The following IL1RAPL1 variants were observed in gnomAD, a reference collection of about 807,000 sequenced individuals.
The protein encoded by IL1RAPL1 is interleukin-1 receptor accessory protein-like 1.
In IL1RAPL1, 3 loss-of-function variants were observed where a neutral mutation model predicts 48.4. That is an observed-to-expected ratio of 0.06 (90% CI 0.03 to 0.16). The LOEUF is 0.16. Ranked by LOEUF, IL1RAPL1 falls within the 10% of genes least tolerant of loss-of-function variation. The pLI is 1.00. For synonymous variants in IL1RAPL1, 185 were observed against 187.7 expected, an observed-to-expected ratio of 0.99 and a Z score of 0.12; for missense variants, 349 against 530.6, an observed-to-expected ratio of 0.66 and a Z score of 3.36.
chrX:29,797,660 G>A (rs780701881), intron 6 of IL1RAPL1, among the ~76,000 whole-genome samples: 3 of 111,446 alleles, frequency 2.7e-5, no homozygotes, highest in South Asian at 3.8e-4. Flanking sequence ...ATCACTTGAG[G>A]TCAGGAGTTC....
chrX:28,732,392 G>A (rs752640164), intron 1 of IL1RAPL1, among the ~76,000 whole-genome samples: 8 of 111,841 alleles, frequency 7.2e-5, no homozygotes, highest in African/African-American at 2.6e-4. Flanking sequence ...TTCTGAAAGA[G>A]TTGGAATTTT....
At position 29,110,475 on chromosome X, in the gene IL1RAPL1, C is replaced by T. The variant is rs1928539973; in HGVS notation, c.83-172463C>T. Among the ~76,000 whole-genome samples, 4 of 111,541 alleles carry T rather than the reference C, an allele frequency of 3.6e-5. No individual in the cohort carries two copies. The South Asian group carries it at 1.5e-3, about 42-fold the overall frequency. ...TAAGCCGGTTTTTATGCAGCAGGTC[C>T]TCAGAGAGCATTGCACTAAAATGCT... is the stretch of plus-strand genomic sequence containing the variant. On this transcript the variant is annotated intron_variant, in intron 2 of 10. Transcript: ENST00000378993.
intron 1 of IL1RAPL1, among the ~76,000 whole-genome samples, chrX:28,683,690 C>G (rs112644563): frequency 8.9e-6 from 1 of 112,112 alleles, no homozygotes; most frequent in East Asian, 2.8e-4. Flanking sequence ...TAGGTCTCAC[C>G]GGGCTAAAAT....
intron 5 of IL1RAPL1, among the ~76,000 whole-genome samples, chrX:29,510,199 A>C (rs938253164): frequency 8.0e-5 from 9 of 112,539 alleles, no homozygotes; most frequent in African/African-American, 2.9e-4. Flanking sequence ...TTACTGATTG[A>C]ATTTGTGATA....
chrX:29,623,124 A>G (rs75137775), intron 5 of IL1RAPL1, among the ~76,000 whole-genome samples: 2 of 103,491 alleles, frequency 1.9e-5, no homozygotes, highest in African/African-American at 7.2e-5. Flanking sequence ...AAAAAAAAAA[A>G]TGCAAAAATT....
At chrX:28,938,444 G>A (rs1480757699) in intron 2 of IL1RAPL1, among the ~76,000 whole-genome samples, 2 of 93,274 alleles carry the variant, frequency 2.1e-5, no homozygotes, top group Admixed American at 1.2e-4. Flanking sequence ...TTCAATAAAC[G>A]GTGCTGAGAT....
intron 1 of IL1RAPL1, among the ~76,000 whole-genome samples, chrX:28,779,613 C>T (rs866662713): frequency 2.4e-3 from 164 of 68,917 alleles, no homozygotes; most frequent in African/African-American, 8.5e-3. Context: ...CAGAGTGATA[C>T]TATTATGTGT....
At chrX:29,017,377 C>A (rs1926265285) in intron 2 of IL1RAPL1, among the ~76,000 whole-genome samples, 1 of 112,151 alleles carries the variant, frequency 8.9e-6, no homozygotes, top group African/African-American at 3.2e-5. Flanking sequence ...CTTTAATCAT[C>A]TGAATATCAC....
intron 3 of IL1RAPL1, among the ~76,000 whole-genome samples, chrX:29,284,326 T>G (rs1243430336): frequency 8.9e-6 from 1 of 112,500 alleles, no homozygotes; most frequent in Non-Finnish European, 1.9e-5. Flanking sequence ...GCATAAAAGT[T>G]AAACAGAAAG....
At chrX:28,889,715 TC>T (rs1470583329) in intron 2 of IL1RAPL1, among the ~76,000 whole-genome samples, 1 of 111,373 alleles carries the variant, frequency 9.0e-6, no homozygotes, top group Non-Finnish European at 1.9e-5. Context: ...TCTCCTACCT[TC>T]CGTAATAGAT....
chrX:28,703,615 G>A (rs958338870), intron 1 of IL1RAPL1, among the ~76,000 whole-genome samples: 1 of 111,047 alleles, frequency 9.0e-6, no homozygotes, highest in African/African-American at 3.3e-5. Context: ...CCCAAAGTTG[G>A]TCACAGTCTA....
Position 29,336,304 on chromosome X carries a change from GGTGTGTGTGTGT to G in IL1RAPL1, c.362+53120_362+53131del, listed in dbSNP as rs375590826. ...TATATATATATATGCACCGTTTTGG[GGTGTGTGTGTGT>G]GTGTGTGTGTGTGTGTGTGTGTGTG... On this transcript the variant is annotated intron_variant, in intron 3 of 10. Transcript: ENST00000378993. Among the ~76,000 whole-genome samples, 270 of 70,841 alleles carry G rather than the reference GGTGTGTGTGTGT, an allele frequency of 3.8e-3. 1 individual carries two copies. The highest frequency in any genetic ancestry group is 0.013 in the African/African-American group (245 of 18,612). 61.5% of individuals were successfully genotyped at this position (70,841 alleles called of 115,157 possible).
chrX:29,538,036 G>A (rs7880360), intron 5 of IL1RAPL1, among the ~76,000 whole-genome samples: 1,943 of 110,288 alleles, frequency 0.018, 55 homozygotes, highest in African/African-American at 0.062. Context: ...ATATATGACC[G>A]TGTTTACTAA....
chrX:29,397,636 T>G (rs1342416605), intron 4 of IL1RAPL1, among the ~76,000 whole-genome samples: 1 of 110,852 alleles, frequency 9.0e-6, no homozygotes, highest in African/African-American at 3.3e-5. Flanking sequence ...TTAACCACCC[T>G]CACATCTCAA....
chrX:28,939,832 G>A (rs1924120245), intron 2 of IL1RAPL1, among the ~76,000 whole-genome samples: 1 of 111,202 alleles, frequency 9.0e-6, no homozygotes, highest in African/African-American at 3.3e-5. Context: ...TCTTGGATTA[G>A]ACAAATTTAG....
chrX:29,941,736 C>T lies in IL1RAPL1; in HGVS notation c.1143C>T (p.Tyr381=), dbSNP rs1569208886. The T allele has an allele frequency of 8.3e-7, 1 of 1,208,734 alleles. No homozygotes were observed. The highest frequency in any genetic ancestry group is 2.2e-5 in the Admixed American group (1 of 46,029). ...GTTTGGTGACCATCTACAAGTGTTA[C>T]AAGATAGAAATCATGCTCTTCTACA... ...LVCLVTIYKC[Y]KIEIMLFYRN... is the part of the protein sequence containing the mutation. Residue 381 remains tyrosine (Y), a synonymous_variant, in exon 9 of 11, where the codon TAC becomes TAT. Transcript: ENST00000378993.
intron 5 of IL1RAPL1, among the ~76,000 whole-genome samples, chrX:29,612,331 A>G (rs1276375633): frequency 9.0e-6 from 1 of 110,850 alleles, no homozygotes; most frequent in Non-Finnish European, 1.9e-5. Flanking sequence ...TTGCAAAATG[A>G]CACACAATTT....
At chrX:29,589,845 A>C (rs950636561) in intron 5 of IL1RAPL1, among the ~76,000 whole-genome samples, 1 of 111,344 alleles carries the variant, frequency 9.0e-6, no homozygotes, top group East Asian at 2.8e-4. Context: ...ATTGGCTCAC[A>C]GTTCTGCGGG....
At chrX:28,739,969 G>C (rs1377215000) in intron 1 of IL1RAPL1, among the ~76,000 whole-genome samples, 2 of 106,862 alleles carry the variant, frequency 1.9e-5, no homozygotes, top group Non-Finnish European at 3.8e-5. Flanking sequence ...CCAAGATGGG[G>C]ACAGTGTCTT....
Sources: allele counts gnomAD v4.1 joint callset (sites outside exome capture counted in the v4.1 genomes callset), GRCh38; gene constraint gnomAD v4.1.1; transcripts MANE v1.5; gene names NCBI Gene and HGNC (gene_info 2026-07-23, HGNC 2026-07-21).